Variants in CTSB observed in about 807,000 individuals in gnomAD.
The protein encoded by CTSB is APP secretase.
CTSB carries 57 observed loss-of-function variants against 44.3 expected under a neutral mutation model. The ratio of observed to expected loss-of-function variants is 1.29; its 90% confidence interval spans 1.04 to 1.60. The LOEUF (loss-of-function observed/expected upper bound fraction) is 1.60, where lower values mean the gene tolerates loss of function less well. Ranked by LOEUF, CTSB falls within the 40% of genes most tolerant of loss-of-function variation. The probability of loss-of-function intolerance (pLI) is 0.00; values close to 1 mark genes in which losing one functional copy is unlikely to be tolerated. For synonymous variants in CTSB, 320 were observed against 168.0 expected, an observed-to-expected ratio of 1.91 and a Z score of -7.00; for missense variants, 768 against 443.0, an observed-to-expected ratio of 1.73 and a Z score of -6.59.
At chr8:11,850,210 G>C (rs886147983) in intron 4 of CTSB, among the ~76,000 whole-genome samples, 2 of 151,990 alleles carry the variant, frequency 1.3e-5, no homozygotes, top group African/African-American at 4.8e-5. Context: ...CAACAGGTGA[G>C]GCGTTTGAGA....
chr8:11,847,638 CA>C, intron 7 of CTSB, 40 bp downstream of exon 7: 1 of 1,501,358 alleles, frequency 6.7e-7, no homozygotes, highest in Non-Finnish European at 8.9e-7. Flanking sequence ...AGCAGCTCCC[CA>C]GCCTCCACGT....
rs1401591693 is a variant in CTSB, at chr8:11,866,107, C to T, written c.-26+1894G>A. ...AAGGCACCCCTGAAACGTGACCTCCCTTCAATTCACTTCCCAATCCAACCA... is the reference window on the plus strand; with the variant it reads ...AAGGCACCCCTGAAACGTGACCTCCTTTCAATTCACTTCCCAATCCAACCA... On this transcript the variant is annotated intron_variant, in intron 1 of 9. Coordinates refer to ENST00000353047, the MANE Select transcript of CTSB (RefSeq NM_001908.5). Among the ~76,000 whole-genome samples, 5 of 152,170 alleles carry T rather than the reference C, an allele frequency of 3.3e-5. No individual in the cohort carries two copies. The East Asian group carries it at 9.6e-4, about 29-fold the overall frequency.
intron 1 of CTSB, among the ~76,000 whole-genome samples, chr8:11,866,140 C>A (rs969693216): frequency 6.6e-6 from 1 of 152,122 alleles, no homozygotes; most frequent in East Asian, 1.9e-4. Flanking sequence ...CCAAGAGCAA[C>A]AGAAAATATC....
At chr8:11,847,398 G>C (rs762533611) in intron 7 of CTSB, among the ~76,000 whole-genome samples, 5 of 152,194 alleles carry the variant, frequency 3.3e-5, no homozygotes, top group African/African-American at 4.8e-5. Flanking sequence ...CCCCGGAAGA[G>C]GCCAGGATAC....
rs1237967430 is a variant in CTSB at position 11,852,809 on chromosome 8, G to A, written c.127-114C>T. On this transcript the variant is annotated intron_variant, in intron 2 of 9. Transcript: ENST00000353047. ...AACCAGAGACCCTACCCAATTCAAG[G>A]GCCCAAGGGTTGGGGGGCACTGGGG... 7 of 921,196 alleles carry A rather than the reference G, an allele frequency of 7.6e-6. No individual in the cohort carries two copies. In the Admixed American group the frequency reaches 1.6e-4, roughly 20 times the overall value. 57.1% of individuals were successfully genotyped at this position (921,196 alleles called of 1,614,324 possible). A position where few individuals can be genotyped will look rare whatever the true frequency, so the allele number is the denominator to read the frequency against.
At position 11,844,205 on chromosome 8, in the gene CTSB, A is replaced by G. The variant is rs921978105; in HGVS notation, c.*920T>C. The G allele has an allele frequency of 1.3e-5, 2 of 152,222 alleles. No individual in the cohort carries two copies. Among genetic ancestry groups the G allele is most frequent in the African/African-American group, 4.8e-5 (2 of 41,452 alleles). The allele number at this position is 152,222 out of a possible 1,614,324, so 9.4% of individuals were successfully genotyped here. On this transcript the variant is annotated 3_prime_UTR_variant, in exon 10 of 10. Transcript: ENST00000353047. ...AGCGAGAAGTTAAGATGAAGTCCCAAGAGTCGCAAGAACATGCAGTTCCAG... is the reference window on the plus strand; with the variant it reads ...AGCGAGAAGTTAAGATGAAGTCCCAGGAGTCGCAAGAACATGCAGTTCCAG...
At chr8:11,859,454 C>A (rs1047728326) in intron 1 of CTSB, among the ~76,000 whole-genome samples, 1 of 152,076 alleles carries the variant, frequency 6.6e-6, no homozygotes, top group Non-Finnish European at 1.5e-5. Context: ...TGGGCTGCCA[C>A]CAAGCTCAAT....
intron 8 of CTSB, among the ~76,000 whole-genome samples, 195 bp from the exon 9 acceptor site, chr8:11,845,984 C>A (rs762233585): frequency 1.3e-5 from 2 of 152,140 alleles, no homozygotes; most frequent in Admixed American, 1.3e-4. Context: ...CCAACACACT[C>A]AAAGTTGTTG....
intron 8 of CTSB, 59 bp downstream of exon 8, chr8:11,846,993 G>A (rs745330919): frequency 6.8e-6 from 6 of 880,724 alleles, no homozygotes; most frequent in African/African-American, 3.3e-5. Context: ...GAACCATCCT[G>A]GCACCCAGGC....
chr8:11,853,628 G>C (rs1815005306), intron 1 of CTSB, 149 bp from the exon 2 acceptor site: 1 of 753,496 alleles, frequency 1.3e-6, no homozygotes, highest in Non-Finnish European at 2.0e-6. Flanking sequence ...GTGTCTATGG[G>C]ATCCCCGCCC....
In CTSB at chr8:11,843,461, C is replaced by T. The variant is rs1405184569; in HGVS notation, c.*1664G>A. 1 of 152,226 alleles carries T rather than the reference C, an allele frequency of 6.6e-6. No homozygotes were observed. Among genetic ancestry groups the T allele is most frequent in the Non-Finnish European group, 1.5e-5 (1 of 68,058 alleles). The allele number at this position is 152,226 out of a possible 1,614,324, so 9.4% of individuals were successfully genotyped here. On this transcript the variant is annotated 3_prime_UTR_variant, in exon 10 of 10. Transcript: ENST00000353047. ...CCTTGGCAGGACAGTGGAATGATTG[C>T]TGGTTCTTCTAGTTTGCTCTATACC...
intron 3 of CTSB, among the ~76,000 whole-genome samples, chr8:11,851,288 C>G (rs1180260742): frequency 6.6e-6 from 1 of 152,134 alleles, no homozygotes; most frequent in Non-Finnish European, 1.5e-5. Flanking sequence ...CTCCTGAGTT[C>G]AATCGATTCT....
At position 11,847,146 on chromosome 8, in the gene CTSB, G is replaced by A. The variant is rs115207582; in HGVS notation, c.699C>T (p.Ser233=). The change falls in exon 8 of 10, where the codon TCC becomes TCT. Residue 233 remains serine, a synonymous_variant. Transcript: ENST00000353047. ...CGGCCATGATGTCCTTCTCGCTATTGGAGACGCTGTAGGAATTGTATCCTG... is the reference window on the plus strand; with the variant it reads ...CGGCCATGATGTCCTTCTCGCTATTAGAGACGCTGTAGGAATTGTATCCTG... ...KHYGYNSYSV[S]NSEKDIMAEI... 2.6e-3 allele frequency: 4,159 copies of A among 1,611,986 alleles called. 89 individuals are homozygous for A. The African/African-American group carries it at 0.048, about 19-fold the overall frequency.
chr8:11,850,587 G>T, intron 4 of CTSB: 1 of 300,216 alleles, frequency 3.3e-6, no homozygotes, highest in Admixed American at 4.4e-5. Flanking sequence ...AGAGCTCCTG[G>T]TATTTGCGGA....
chr8:11,844,951 A>AC lies in CTSB; in HGVS notation c.*173dup. ...GCTCACATGGCCTGTCTGCACTGTA[A>AC]CCACAGGCTGGGATGTAGCCAGGAC... On this transcript the variant is annotated 3_prime_UTR_variant, in exon 10 of 10. Transcript: ENST00000353047. The AC allele has an allele frequency of 1.6e-6, 1 of 608,528 alleles. No individual in the cohort carries two copies. The highest frequency in any genetic ancestry group is 2.9e-6 in the Non-Finnish European group (1 of 340,084). 37.7% of individuals were successfully genotyped at this position (608,528 alleles called of 1,614,324 possible). A position where few individuals can be genotyped will look rare whatever the true frequency, so the allele number is the denominator to read the frequency against.
In CTSB at chr8:11,852,674, C is replaced by G; in HGVS notation, c.148G>C (p.Val50Leu). The G allele has an allele frequency of 1.2e-6, 2 of 1,614,054 alleles. No homozygotes were observed. Among genetic ancestry groups the G allele is most frequent in the Non-Finnish European group, 1.7e-6 (2 of 1,180,024 alleles). The change falls in exon 3 of 10, where the codon GTG (valine) becomes CTG (leucine). Residue 50 changes from valine (V) to leucine (L), a missense_variant. Transcript: ENST00000353047. ...AGCCTCTTCAAGTAGCTCATGTCCA[C>G]GTTGTAGAAGTTGTGCCCGGCCTGG... ...TWQAGHNFYN[V>L]DMSYLKRLCG...
At chr8:11,857,205 T>G (rs921461840) in intron 1 of CTSB, among the ~76,000 whole-genome samples, 1 of 152,132 alleles carries the variant, frequency 6.6e-6, no homozygotes, top group Non-Finnish European at 1.5e-5. Flanking sequence ...TGTAGTATAG[T>G]CCGTGTTTCG....
intron 6 of CTSB, 49 bp from the exon 7 acceptor site, chr8:11,847,871 A>AAGTCCCAGCTGGGCGAGGC: frequency 6.4e-7 from 1 of 1,555,120 alleles, no homozygotes; most frequent in Non-Finnish European, 8.7e-7. Flanking sequence ...CCCCACGGAG[A>AAGTCCCAGCTGGGCGAGGC]AGACCTGGGG....
chr8:11,854,493 T>C (rs1379736117), intron 1 of CTSB, among the ~76,000 whole-genome samples: 1 of 149,364 alleles, frequency 6.7e-6, no homozygotes, highest in East Asian at 1.9e-4. Flanking sequence ...AAAAAAGCTT[T>C]TTTTTTTTTT....
Sources: gnomAD v4.1 joint callset for allele counts (sites outside exome capture counted in the v4.1 genomes callset) on GRCh38, gnomAD v4.1.1 for gene constraint, MANE v1.5 for transcripts, NCBI Gene and HGNC (gene_info 2026-07-23, HGNC 2026-07-21) for gene names.